The following RPTOR variants were observed in gnomAD, a reference collection of about 807,000 sequenced individuals.
RPTOR encodes the protein regulatory associated protein of MTOR complex 1.
Under a neutral mutation model 169.9 loss-of-function variants are expected in RPTOR, and 21 were observed. The observed-to-expected ratio is 0.12, with a 90% CI of 0.09 to 0.18. The LOEUF is 0.18. Ranked by LOEUF, RPTOR falls within the 10% of genes least tolerant of loss-of-function variation. The pLI is 1.00. For synonymous variants in RPTOR, 732 were observed against 753.2 expected (o/e 0.97, Z 0.46); for missense variants, 1,133 against 1,855.9 (o/e 0.61, Z 7.16).
At chr17:80,652,229 CAACTGTCAT>C (rs1259142668) in intron 3 of RPTOR, among the ~76,000 whole-genome samples, 9 of 152,106 alleles carry the variant, frequency 5.9e-5, no homozygotes, top group Admixed American at 2.0e-4. Context: ...CAATCTTGTG[CAACTGTCAT>C]AACTGTCATA....
chr17:80,673,554 T>C (rs1037848537), intron 3 of RPTOR, among the ~76,000 whole-genome samples: 2 of 152,360 alleles, frequency 1.3e-5, no homozygotes, highest in African/African-American at 4.8e-5. Context: ...CAAAATGCCT[T>C]GAGCATCTCA....
intron 6 of RPTOR, among the ~76,000 whole-genome samples, chr17:80,781,839 A>G (rs6565480): frequency 0.25 from 38,460 of 152,210 alleles, 4,915 homozygotes; most frequent in South Asian, 0.27. Flanking sequence ...TTTGGGTTGC[A>G]GAAGGGGCTA....
chr17:80,714,609 A>G (rs2066224558), intron 4 of RPTOR, among the ~76,000 whole-genome samples: 1 of 152,272 alleles, frequency 6.6e-6, no homozygotes, highest in African/African-American at 2.4e-5. Flanking sequence ...TCAAACCTAA[A>G]GATAATGAAA....
intron 7 of RPTOR, among the ~76,000 whole-genome samples, chr17:80,818,194 A>G (rs1428478224): frequency 6.6e-6 from 1 of 152,218 alleles, no homozygotes; most frequent in African/African-American, 2.4e-5. Flanking sequence ...AGGTACCACG[A>G]GTCATCCAGC....
intron 24 of RPTOR, among the ~76,000 whole-genome samples, chr17:80,925,814 C>T (rs1241666903): frequency 2.0e-5 from 3 of 152,238 alleles, no homozygotes; most frequent in Non-Finnish European, 4.4e-5. Context: ...GCTCCGAGGT[C>T]TGGGGACTGT....
chr17:80,949,835 C>G (rs761845502), intron 28 of RPTOR, among the ~76,000 whole-genome samples: 4 of 152,262 alleles, frequency 2.6e-5, no homozygotes, highest in Non-Finnish European at 5.9e-5. Context: ...CTGCTTGGGA[C>G]AGCATCACTG....
At chr17:80,715,624 T>G (rs753950394) in intron 4 of RPTOR, among the ~76,000 whole-genome samples, 2 of 152,066 alleles carry the variant, frequency 1.3e-5, no homozygotes, top group Non-Finnish European at 2.9e-5. Context: ...CATAGGTTAT[T>G]GGGGTACAGG....
chr17:80,610,950 T>C (rs967565187), intron 1 of RPTOR, among the ~76,000 whole-genome samples: 2 of 152,206 alleles, frequency 1.3e-5, no homozygotes, highest in East Asian at 3.8e-4. Flanking sequence ...GTCTGTTTAA[T>C]ATAATGGGTT....
intron 13 of RPTOR, among the ~76,000 whole-genome samples, chr17:80,870,453 T>A (rs1446005705): frequency 6.6e-6 from 1 of 152,244 alleles, no homozygotes; most frequent in Non-Finnish European, 1.5e-5. Context: ...ACAGTTCGTG[T>A]ATGCTGGCGT....
At chr17:80,656,036 T>C (rs191038988) in intron 3 of RPTOR, among the ~76,000 whole-genome samples, 6 of 152,162 alleles carry the variant, frequency 3.9e-5, no homozygotes, top group African/African-American at 1.2e-4. Context: ...CTGTGTTGAC[T>C]GATTCTAGTT....
chr17:80,612,774 G>T (rs1037125300), intron 1 of RPTOR, among the ~76,000 whole-genome samples: 1 of 152,148 alleles, frequency 6.6e-6, no homozygotes, highest in African/African-American at 2.4e-5. Flanking sequence ...AGGCTGAGGT[G>T]GGGGCATCAC....
Position 80,892,798 on chromosome 17 carries a change from G to T in RPTOR, c.2171G>T (p.Gly724Val), listed in dbSNP as rs775533360. The T allele has an allele frequency of 3.1e-6, 5 of 1,614,220 alleles. No individual in the cohort carries two copies. The highest frequency in any genetic ancestry group is 4.2e-6 in the Non-Finnish European group (5 of 1,180,044). The stretch of plus-strand genomic sequence containing the variant: ...AGACTTCGTTCTGTGAGCTCCTATG[G>T]AAACATCCGTGCTGTCGCCACAGCC... ...TPRLRSVSSY[G>V]NIRAVATARS... The change falls in exon 19 of 34, where the codon GGA becomes GTA. Residue 724 changes from glycine to valine, a missense_variant. By Grantham distance (109) the Gly-to-Val change is moderately radical. Around this residue, in one of 9 missense-constraint regions of RPTOR, gnomAD observed 150 missense variants for 206.4 expected, o/e 0.73. Coordinates refer to ENST00000306801, the MANE Select transcript of RPTOR (RefSeq NM_020761.3).
At chr17:80,841,010 G>A (rs1362495276) in intron 10 of RPTOR, among the ~76,000 whole-genome samples, 1 of 6,750 alleles carries the variant, frequency 1.5e-4, no homozygotes, top group Admixed American at 1.5e-3. Context: ...CTCACCACAC[G>A]GCAGCTCACT....
Position 80,960,618 on chromosome 17 carries a change from G to A in RPTOR, c.3605+413G>A. ...AAGTGTCTGGGGAGGGATGTCTGAG[G>A]GCACACACGTGGGCACAGCAGCCCT... On this transcript the variant is annotated intron_variant, in intron 30 of 33. Transcript: ENST00000306801. The surrounding 1 kb of genome is among the most constrained non-coding windows in gnomAD (Gnocchi z 4.8). The A allele has an allele frequency of 4.2e-6, 1 of 239,520 alleles. No individual in the cohort carries two copies. Among genetic ancestry groups the A allele is most frequent in the Admixed American group, 4.7e-5 (1 of 21,274 alleles). The allele number at this position is 239,520 out of a possible 1,614,324, so 14.8% of individuals were successfully genotyped here.
At chr17:80,682,903 T>C (rs1332005036) in intron 3 of RPTOR, among the ~76,000 whole-genome samples, 1 of 152,052 alleles carries the variant, frequency 6.6e-6, no homozygotes, top group African/African-American at 2.4e-5. Context: ...TGGGCTCAAG[T>C]GATTCTCCTG....
chr17:80,691,769 G>C (rs540542374), intron 3 of RPTOR, among the ~76,000 whole-genome samples: 1 of 152,240 alleles, frequency 6.6e-6, no homozygotes, highest in South Asian at 2.1e-4. Flanking sequence ...TGGGCTCCAG[G>C]GCTGCTCATT....
rs1369302053 is a variant in RPTOR, at chr17:80,686,209, CAG to C, written c.349-21629_349-21628del. ...CAACTTTTTTTTTTTTTTTTTGAGACAGAGTCTCGCTCTGTCGCCCATGCTGG... is the reference window on the plus strand; with the variant it reads ...CAACTTTTTTTTTTTTTTTTTGAGACAGTCTCGCTCTGTCGCCCATGCTGG... On this transcript the variant is annotated intron_variant, in intron 3 of 33. Coordinates refer to ENST00000306801, the MANE Select transcript of RPTOR (RefSeq NM_020761.3). 4.1e-5 allele frequency among the ~76,000 whole-genome samples: 6 copies of C among 146,234 alleles called. No homozygotes were observed. In the East Asian group the frequency reaches 8.0e-4, roughly 20 times the overall value.
chr17:80,676,123 T>A (rs1178466450), intron 3 of RPTOR, among the ~76,000 whole-genome samples: 1 of 151,910 alleles, frequency 6.6e-6, no homozygotes, highest in Non-Finnish European at 1.5e-5. Context: ...GAATTGAAGG[T>A]AATTCTGGAA....
chr17:80,717,476 A>G (rs554932762), intron 4 of RPTOR, among the ~76,000 whole-genome samples: 2 of 152,110 alleles, frequency 1.3e-5, no homozygotes, highest in Admixed American at 6.5e-5. Context: ...CCACTGTGTT[A>G]TTCCATTAGT....
Sources: gnomAD v4.1 joint callset for allele counts (sites outside exome capture counted in the v4.1 genomes callset) on GRCh38, gnomAD v4.1.1 for gene constraint, gnomAD v4.1.1 regional missense constraint, Gnocchi (gnomAD v3.1) non-coding constraint, MANE v1.5 for transcripts, NCBI Gene and HGNC (gene_info 2026-07-23, HGNC 2026-07-21) for gene names.